DENND2A: variants seen among roughly 807,000 people sequenced by gnomAD.
DENND2A encodes the protein DENN domain-containing protein 2A.
DENND2A carries 53 observed loss-of-function variants against 105.3 expected under a neutral mutation model. The ratio of observed to expected loss-of-function variants is 0.50; its 90% CI spans 0.40 to 0.63. The LOEUF (loss-of-function observed/expected upper bound fraction) is 0.63. DENND2A is among the 30% of genes least tolerant of loss of function. The pLI, the probability that DENND2A is intolerant of heterozygous loss-of-function variation, is 0.00. For synonymous variants in DENND2A, 522 were observed against 508.4 expected, an observed-to-expected ratio of 1.03 and a Z score of -0.36; for missense variants, 1,138 against 1,279.6, an observed-to-expected ratio of 0.89 and a Z score of 1.69.
chr7:140,522,815 C>T (rs1000039766), intron 17 of DENND2A, among the ~76,000 whole-genome samples: 2 of 151,810 alleles, frequency 1.3e-5, no homozygotes, highest in Non-Finnish European at 2.9e-5. Context: ...ACCATATTGG[C>T]CAGGCTGGTT....
intron 1 of DENND2A, among the ~76,000 whole-genome samples, chr7:140,626,155 C>T (rs899737370): frequency 2.6e-5 from 4 of 152,218 alleles, no homozygotes; most frequent in African/African-American, 2.4e-5. Flanking sequence ...CGGCACCGTA[C>T]GGGCCTTCCA....
At chr7:140,542,565 C>CTTTTTTTTT (rs771623397) in intron 14 of DENND2A, among the ~76,000 whole-genome samples, 1 of 111,984 alleles carries the variant, frequency 8.9e-6, no homozygotes, top group Admixed American at 9.7e-5. Flanking sequence ...TTTTCTCTCT[C>CTTTTTTTTT]TTTTTTTTTT....
rs1008048467 is a variant in DENND2A at position 140,584,013 on chromosome 7, G to A, written c.1245+1576C>T. Among the ~76,000 whole-genome samples the A allele has an allele frequency of 1.1e-4, 16 of 148,346 alleles. 2 individuals carry two copies. Among genetic ancestry groups the A allele is most frequent in the Admixed American group, 3.3e-4 (5 of 15,016 alleles). On this transcript the variant is annotated intron_variant, in intron 5 of 19. Coordinates refer to ENST00000496613, the MANE Select transcript of DENND2A (RefSeq NM_015689.5). ...TCCTAGCACTTTGGGAGGCCAAGGCGGGCGGATCACTTGAGGTCAGGAGTT... is the reference window on the plus strand; with the variant it reads ...TCCTAGCACTTTGGGAGGCCAAGGCAGGCGGATCACTTGAGGTCAGGAGTT...
intron 9 of DENND2A, among the ~76,000 whole-genome samples, chr7:140,561,803 C>T (rs1017501629): frequency 1.3e-5 from 2 of 151,824 alleles, no homozygotes; most frequent in South Asian, 4.1e-4. Context: ...GCATGAGCCA[C>T]GGTGTTTGGC....
At chr7:140,550,925 A>G (rs1330034557) in intron 12 of DENND2A, among the ~76,000 whole-genome samples, 1 of 152,158 alleles carries the variant, frequency 6.6e-6, no homozygotes, top group Non-Finnish European at 1.5e-5. Flanking sequence ...AGACAATAAT[A>G]TGAACAAAAA....
chr7:140,587,558 G>A, intron 4 of DENND2A, 95 bp downstream of exon 4: 1 of 1,523,222 alleles, frequency 6.6e-7, no homozygotes, highest in South Asian at 1.2e-5. Context: ...GTGTGTACAT[G>A]TGTGTGCACG....
intron 14 of DENND2A, among the ~76,000 whole-genome samples, chr7:140,532,084 G>A (rs1378115511): frequency 1.3e-5 from 2 of 151,962 alleles, no homozygotes; most frequent in Non-Finnish European, 2.9e-5. Context: ...CCAACATGGT[G>A]AAACCCTGTC....
At chr7:140,615,703 A>G (rs770652310) in intron 1 of DENND2A, among the ~76,000 whole-genome samples, 2 of 142,468 alleles carry the variant, frequency 1.4e-5, no homozygotes, top group Non-Finnish European at 3.1e-5. Context: ...CTGTCCGGCT[A>G]TTTTTTTTTT....
At chr7:140,561,498 C>CTTTTTTTTTTT (rs536896244) in intron 9 of DENND2A, among the ~76,000 whole-genome samples, 12 of 102,516 alleles carry the variant, frequency 1.2e-4, no homozygotes, top group East Asian at 3.4e-4. Context: ...TTTCTGTTGT[C>CTTTTTTTTTTT]TTTTTTTTTT....
intron 1 of DENND2A, among the ~76,000 whole-genome samples, chr7:140,631,803 C>G (rs1245600151): frequency 6.6e-6 from 1 of 152,144 alleles, no homozygotes; most frequent in African/African-American, 2.4e-5. Context: ...GAGAATCCCT[C>G]TGAGTCTCCA....
At position 140,604,414 on chromosome 7, in the gene DENND2A, A is replaced by C. The variant is rs183358184; in HGVS notation, c.-146+1291T>G. ...TATCAAGGCAGAATTCCTTATTTAA[A>C]TAAACAATTAGGATTCCTAACAGTG... On this transcript the variant is annotated intron_variant, in intron 2 of 19. Transcript: ENST00000496613. Among the ~76,000 whole-genome samples, 475 of 152,380 alleles carry C rather than the reference A, an allele frequency of 3.1e-3. 5 individuals carry two copies. The highest frequency in any genetic ancestry group is 0.011 in the African/African-American group (451 of 41,590).
At position 140,527,580 on chromosome 7, in the gene DENND2A, C is replaced by T. The variant is rs753263143; in HGVS notation, c.2328-85G>A. 2 of 1,386,014 alleles carry T rather than the reference C, an allele frequency of 1.4e-6. No individual in the cohort carries two copies. Among genetic ancestry groups the T allele is most frequent in the Non-Finnish European group, 1.9e-6 (2 of 1,032,348 alleles). The allele number at this position is 1,386,014 out of a possible 1,614,324, so 85.9% of individuals were successfully genotyped here. On this transcript the variant is annotated intron_variant, in intron 14 of 19. Coordinates refer to ENST00000496613, the MANE Select transcript of DENND2A (RefSeq NM_015689.5). The surrounding 1 kb of genome is among the most constrained non-coding windows in gnomAD (Gnocchi z 4.9). ...CAGGGGAGAAGGCTCCTCCCAGAGA[C>T]AGGATGACTAGGAAAGGACACACGT...
At position 140,583,818 on chromosome 7, in the gene DENND2A, C is replaced by T. The variant is rs866363449; in HGVS notation, c.1245+1771G>A. ...GCGGGCGCCTGTAGTCCCAGCTACT[C>T]GGGAGGCTGAGGCCGGAGAATGGCG... On this transcript the variant is annotated intron_variant, in intron 5 of 19. Transcript: ENST00000496613. Among the ~76,000 whole-genome samples the T allele has an allele frequency of 4.9e-4, 72 of 145,472 alleles. 4 individuals carry two copies. The highest frequency in any genetic ancestry group is 1.9e-3 in the African/African-American group (69 of 36,992).
intron 14 of DENND2A, among the ~76,000 whole-genome samples, chr7:140,528,216 C>G (rs942129205): frequency 1.3e-5 from 2 of 152,140 alleles, no homozygotes; most frequent in Admixed American, 6.6e-5. Flanking sequence ...AAAACACAAA[C>G]GGTGAAAGCC....
chr7:140,518,817 G>C (rs1381976171), intron 19 of DENND2A, 79 bp from the exon 20 acceptor site: 1 of 1,487,980 alleles, frequency 6.7e-7, no homozygotes, highest in African/African-American at 1.4e-5. Flanking sequence ...CCACCCAGAA[G>C]TGGTGCGGGT....
At chr7:140,538,873 G>A (rs1410631606) in intron 14 of DENND2A, among the ~76,000 whole-genome samples, 1 of 151,814 alleles carries the variant, frequency 6.6e-6, no homozygotes, top group Non-Finnish European at 1.5e-5. Flanking sequence ...GCCCAGGTTG[G>A]AGTGCAGTGG....
At chr7:140,532,347 G>A (rs910655852) in intron 14 of DENND2A, among the ~76,000 whole-genome samples, 3 of 152,168 alleles carry the variant, frequency 2.0e-5, no homozygotes, top group South Asian at 2.1e-4. Context: ...TTTATAGCAC[G>A]TTTGCCAAAG....
intron 5 of DENND2A, among the ~76,000 whole-genome samples, chr7:140,584,011 G>A (rs1798666881): frequency 2.0e-5 from 3 of 149,202 alleles, no homozygotes. Flanking sequence ...GGAGGCCAAG[G>A]CGGGCGGATC....
intron 1 of DENND2A, among the ~76,000 whole-genome samples, chr7:140,631,081 C>T (rs1800718671): frequency 6.6e-6 from 1 of 152,112 alleles, no homozygotes; most frequent in Non-Finnish European, 1.5e-5. Context: ...TTTACATCCA[C>T]CTTGACTTGT....
Sources: gnomAD v4.1 joint callset for allele counts (sites outside exome capture counted in the v4.1 genomes callset) on GRCh38, gnomAD v4.1.1 for gene constraint, Gnocchi (gnomAD v3.1) non-coding constraint, MANE v1.5 for transcripts, NCBI Gene and HGNC (gene_info 2026-07-23, HGNC 2026-07-21) for gene names.